The following NFATC2 variants were observed in gnomAD, a reference collection of about 807,000 sequenced individuals.
The protein encoded by NFATC2 is nuclear factor of activated T cells 2.
Under a neutral mutation model 87.3 loss-of-function variants are expected in NFATC2, and 22 were observed. The observed-to-expected ratio is 0.25, with a 90% CI of 0.18 to 0.36. NFATC2 has a LOEUF of 0.36. Among genes scored for constraint, NFATC2 ranks in the 10% least tolerant of loss-of-function variants. NFATC2 has a pLI of 1.00. For synonymous variants in NFATC2, 565 were observed against 542.2 expected, an observed-to-expected ratio of 1.04 and a Z score of -0.58; for missense variants, 1,149 against 1,259.1, an observed-to-expected ratio of 0.91 and a Z score of 1.32.
At chr20:51,460,386 G>A (rs1283569758) in intron 5 of NFATC2, among the ~76,000 whole-genome samples, 1 of 152,138 alleles carries the variant, frequency 6.6e-6, no homozygotes, top group Admixed American at 6.5e-5. Context: ...GCTGTTAACA[G>A]TCCCACTTCA....
At chr20:51,560,472 G>A (rs892174510) in intron 1 of NFATC2, among the ~76,000 whole-genome samples, 6 of 152,170 alleles carry the variant, frequency 3.9e-5, no homozygotes, top group Non-Finnish European at 7.3e-5. Flanking sequence ...GGCCAATGCC[G>A]CTTTCTGTGC....
In NFATC2 at chr20:51,427,354, G is replaced by A. The variant is rs970769775; in HGVS notation, c.2722+4713C>T. On this transcript the variant is annotated intron_variant, in intron 9 of 10. Transcript: ENST00000371564. The stretch of plus-strand genomic sequence containing the variant: ...TTGCTTGCGTCCTGAGTGGTAAAAA[G>A]TGCAGCCGCCCCTCATTTTATGCAA... 2.6e-5 allele frequency among the ~76,000 whole-genome samples: 4 copies of A among 152,162 alleles called. No homozygotes were observed. In the South Asian group the frequency reaches 8.3e-4, roughly 32 times the overall value.
chr20:51,492,291 G>A (rs1199816742), intron 3 of NFATC2, among the ~76,000 whole-genome samples: 1 of 151,216 alleles, frequency 6.6e-6, no homozygotes, highest in East Asian at 2.0e-4. Flanking sequence ...GCACCCCGCC[G>A]CTATTCTCAG....
At chr20:51,429,952 G>A (rs1005657532) in intron 9 of NFATC2, among the ~76,000 whole-genome samples, 1 of 151,900 alleles carries the variant, frequency 6.6e-6, no homozygotes, top group African/African-American at 2.4e-5. Flanking sequence ...CCTGCGTTGA[G>A]AAAGGGCCTC....
At chr20:51,391,839 T>C (rs947772768) in intron 10 of NFATC2, among the ~76,000 whole-genome samples, 9 of 152,168 alleles carry the variant, frequency 5.9e-5, no homozygotes, top group African/African-American at 2.2e-4. Flanking sequence ...ATACTTTTTT[T>C]GTTGTTGTTC....
chr20:51,562,467 C>CCGGGAGCTGAAAGTGCTGCCCGGGA lies in NFATC2; in HGVS notation c.70+68_70+92dup, dbSNP rs2077041210. ...CCCAGGCCTCCCGCACCGACCTCTGCCGGGAGCTGAAAGTGCTGCCCGGGA... is the reference window on the plus strand; with the variant it reads ...CCCAGGCCTCCCGCACCGACCTCTGCCGGGAGCTGAAAGTGCTGCCCGGGACGGGAGCTGAAAGTGCTGCCCGGGA... On this transcript the variant is annotated intron_variant, in intron 1 of 10. Coordinates refer to the NFATC2 transcript ENST00000414705. The surrounding 1 kb of genome is among the most constrained non-coding windows in gnomAD (Gnocchi z 5.8). 1 of 1,187,646 alleles carries CCGGGAGCTGAAAGTGCTGCCCGGGA rather than the reference C, an allele frequency of 8.4e-7. No homozygotes were observed. Among genetic ancestry groups the CCGGGAGCTGAAAGTGCTGCCCGGGA allele is most frequent in the Non-Finnish European group, 1.2e-6 (1 of 832,550 alleles). The allele number at this position is 1,187,646 out of a possible 1,614,324, so 73.6% of individuals were successfully genotyped here.
At chr20:51,409,840 A>C (rs1345104011) in intron 9 of NFATC2, among the ~76,000 whole-genome samples, 2 of 152,264 alleles carry the variant, frequency 1.3e-5, no homozygotes, top group Non-Finnish European at 2.9e-5. Context: ...ATGAGCAGAC[A>C]AAAGAAACTG....
chr20:51,407,599 G>C (rs370004179), intron 9 of NFATC2, among the ~76,000 whole-genome samples: 2 of 152,200 alleles, frequency 1.3e-5, no homozygotes, highest in East Asian at 1.9e-4. Context: ...GGAGGAGACA[G>C]TGCCTCTGAG....
chr20:51,528,083 C>A (rs62230662), intron 1 of NFATC2, among the ~76,000 whole-genome samples: 1 of 113,024 alleles, frequency 8.8e-6, no homozygotes, highest in Admixed American at 9.9e-5. Flanking sequence ...GAGAACCTGT[C>A]CCAAAAAAAA....
intron 7 of NFATC2, 111 bp downstream of exon 7, chr20:51,435,595 G>T (rs1057068753): frequency 8.4e-7 from 1 of 1,188,082 alleles, no homozygotes; most frequent in Non-Finnish European, 1.2e-6. Context: ...GTACCTGTTA[G>T]GTCCAGAGCT....
intron 6 of NFATC2, among the ~76,000 whole-genome samples, chr20:51,444,091 C>A (rs1001034721): frequency 2.0e-5 from 3 of 152,130 alleles, no homozygotes; most frequent in Non-Finnish European, 2.9e-5. Flanking sequence ...AAGAGATTCT[C>A]CTGCCTCAGC....
intron 1 of NFATC2, among the ~76,000 whole-genome samples, chr20:51,548,926 G>GTAAT (rs1169680531): frequency 6.6e-6 from 1 of 152,176 alleles, no homozygotes; most frequent in East Asian, 1.9e-4. Flanking sequence ...TCCAATACCT[G>GTAAT]TAATTATTTG....
chr20:51,424,409 G>A (rs555830720), intron 9 of NFATC2, among the ~76,000 whole-genome samples: 90 of 152,282 alleles, frequency 5.9e-4, no homozygotes, highest in Middle Eastern at 3.4e-3. Context: ...ATGTCACTGC[G>A]GTTAGGGGAA....
intron 9 of NFATC2, among the ~76,000 whole-genome samples, chr20:51,417,455 CTGCCCTACG>C (rs1980197140): frequency 1.3e-5 from 2 of 152,330 alleles, no homozygotes; most frequent in South Asian, 4.1e-4. Context: ...CCTCCCAGCT[CTGCCCTACG>C]TGCTTGCTCT....
intron 4 of NFATC2, 31 bp downstream of exon 4, chr20:51,475,427 A>G: frequency 1.9e-6 from 3 of 1,610,978 alleles, no homozygotes; most frequent in Non-Finnish European, 2.5e-6. Flanking sequence ...TTCTCCATGA[A>G]GACCCGCCGC....
chr20:51,544,345 G>A (rs527357455), upstream of NFATC2, among the ~76,000 whole-genome samples: 1 of 152,128 alleles, frequency 6.6e-6, no homozygotes, highest in South Asian at 2.1e-4. Context: ...AGGATGAGAA[G>A]ATTAGACGGG....
At chr20:51,463,347 G>A (rs1049284930) in intron 5 of NFATC2, among the ~76,000 whole-genome samples, 1 of 152,228 alleles carries the variant, frequency 6.6e-6, no homozygotes, top group African/African-American at 2.4e-5. Context: ...CACACAGTGA[G>A]TGACAAAGTT....
rs566155020 is a variant in NFATC2 at position 51,402,619 on chromosome 20, TATACC to T, written c.2723-3894_2723-3890del. 2.6e-3 allele frequency among the ~76,000 whole-genome samples: 399 copies of T among 152,304 alleles called. 3 individuals are homozygous for T. Among genetic ancestry groups the T allele is most frequent in the Admixed American group, 6.5e-3 (99 of 15,304 alleles). On this transcript the variant is annotated intron_variant, in intron 9 of 10. Coordinates refer to ENST00000371564, the MANE Select transcript of NFATC2 (RefSeq NM_012340.5). ...AAATACCTGAGTTTTGGGGAAGACA[TATACC>T]ATAAACCCCCTCTGGGGGTTAGAGG... is the stretch of plus-strand genomic sequence containing the variant.
At chr20:51,556,221 A>G (rs985349747) in intron 1 of NFATC2, among the ~76,000 whole-genome samples, 1 of 152,180 alleles carries the variant, frequency 6.6e-6, no homozygotes, top group African/African-American at 2.4e-5. Context: ...TGGCCCTGTG[A>G]CACCTTGATT....
Sources: allele counts gnomAD v4.1 joint callset (sites outside exome capture counted in the v4.1 genomes callset), GRCh38; gene constraint gnomAD v4.1.1; non-coding constraint Gnocchi (gnomAD v3.1); transcripts MANE v1.5; gene names NCBI Gene and HGNC (gene_info 2026-07-23, HGNC 2026-07-21).